The following ICMT variants were observed in gnomAD, a reference collection of about 807,000 sequenced individuals.
ICMT encodes the protein isoprenylcysteine carboxyl methyltransferase, also known as protein-S-isoprenylcysteine O-methyltransferase.
Under a neutral mutation model 32.2 loss-of-function variants are expected in ICMT, and 10 were observed. That is an observed-to-expected ratio of 0.31 (90% confidence interval 0.19 to 0.53). ICMT has a LOEUF of 0.53. Among genes scored for constraint, ICMT ranks in the 20% least tolerant of loss-of-function variants. ICMT has a pLI of 0.96. For synonymous variants in ICMT, 183 were observed against 158.2 expected (o/e 1.16, Z -1.18); for missense variants, 265 against 356.9 (o/e 0.74, Z 2.07).
chr1:6,234,350 G>A (rs776139657), intron 2 of ICMT: 15 of 396,584 alleles, frequency 3.8e-5, no homozygotes, highest in Non-Finnish European at 6.9e-5. Flanking sequence ...AATAATTCCG[G>A]CAAAGAAGGA....
chr1:6,225,076 C>T lies in ICMT; in HGVS notation c.*4G>A, dbSNP rs757486258. 1.2e-6 allele frequency: 2 copies of T among 1,610,896 alleles called. No homozygotes were observed. The highest frequency in any genetic ancestry group is 2.2e-5 in the South Asian group (2 of 90,580). ...GGCCCCAAGGTCACCGGGGCCACTG[C>T]CCGTCACAGGTCCACCTTGACCCCC... On this transcript the variant is annotated 3_prime_UTR_variant, in exon 5 of 5. Transcript: ENST00000343813.
At chr1:6,228,147 A>C (rs1268143225) in intron 4 of ICMT, among the ~76,000 whole-genome samples, 1 of 152,080 alleles carries the variant, frequency 6.6e-6, no homozygotes, top group Non-Finnish European at 1.5e-5. Flanking sequence ...TACACAAATA[A>C]ATAATTTTGT....
Position 6,224,888 on chromosome 1 carries a change from TAA to T in ICMT, c.*190_*191del, listed in dbSNP as rs1315172781. 1.3e-5 allele frequency: 8 copies of T among 611,614 alleles called. No homozygotes were observed. The highest frequency in any genetic ancestry group is 2.3e-5 in the Non-Finnish European group (8 of 347,736). 37.9% of individuals were successfully genotyped at this position (611,614 alleles called of 1,614,324 possible). On this transcript the variant is annotated 3_prime_UTR_variant, in exon 5 of 5. Coordinates refer to ENST00000343813, the MANE Select transcript of ICMT (RefSeq NM_012405.4). ...ACCCATGTTCCGCCTTGATTCGGCA[TAA>T]GGACAGACTGCTCCAGTGGGGCCTT...
At chr1:6,233,288 G>C (rs184231864) in intron 3 of ICMT, among the ~76,000 whole-genome samples, 186 bp downstream of exon 3, 1,706 of 152,364 alleles carry the variant, frequency 0.011, 12 homozygotes, top group Non-Finnish European at 0.016. Flanking sequence ...GCACGTCCTC[G>C]AGTCAATATC....
chr1:6,225,797 C>G (rs1364383902), intron 4 of ICMT, among the ~76,000 whole-genome samples: 2 of 152,104 alleles, frequency 1.3e-5, no homozygotes, highest in Non-Finnish European at 2.9e-5. Flanking sequence ...GTTTCCAACC[C>G]CAGAAGAGCA....
intron 4 of ICMT, among the ~76,000 whole-genome samples, chr1:6,229,403 G>A (rs368212031): frequency 2.6e-5 from 4 of 152,102 alleles, no homozygotes; most frequent in Admixed American, 6.6e-5. Context: ...GCTTGAACCC[G>A]GGAGGCAGAG....
intron 2 of ICMT, chr1:6,234,289 TAAC>T: frequency 8.4e-6 from 3 of 357,350 alleles, no homozygotes; most frequent in South Asian, 6.4e-5. Flanking sequence ...AAGAGGGAGA[TAAC>T]AACATAAAGG....
intron 4 of ICMT, among the ~76,000 whole-genome samples, chr1:6,229,026 C>CTT (rs200580331): frequency 0.026 from 3,699 of 143,906 alleles, 142 homozygotes; most frequent in African/African-American, 0.09. Context: ...AAGTGAGACT[C>CTT]TGTCTCAAAA....
At chr1:6,228,421 C>A (rs558646149) in intron 4 of ICMT, among the ~76,000 whole-genome samples, 1 of 151,640 alleles carries the variant, frequency 6.6e-6, no homozygotes, top group Non-Finnish European at 1.5e-5. Context: ...CGGCTCACTG[C>A]AAGCTCCGCC....
intron 4 of ICMT, among the ~76,000 whole-genome samples, 183 bp from the exon 5 acceptor site, chr1:6,225,445 G>A (rs867282456): frequency 4.6e-5 from 7 of 152,234 alleles, no homozygotes; most frequent in Admixed American, 2.0e-4. Flanking sequence ...CCTTTCTCAC[G>A]TGCTTTCCTG....
rs1668560818 is a variant in ICMT at position 6,221,939 on chromosome 1, A to C, written c.*3141T>G. ...CTTTAAAACCTGCAATGGAAAAATA[A>C]ATCTCTTGACAGTTTTTTAAATCGA... is the stretch of plus-strand genomic sequence containing the variant. On this transcript the variant is annotated 3_prime_UTR_variant, in exon 5 of 5. Transcript: ENST00000343813. 1 of 152,250 alleles carries C rather than the reference A, an allele frequency of 6.6e-6. No individual in the cohort carries two copies. The highest frequency in any genetic ancestry group is 2.1e-4 in the South Asian group (1 of 4,830). 9.4% of individuals were successfully genotyped at this position (152,250 alleles called of 1,614,324 possible). A position where few individuals can be genotyped will look rare whatever the true frequency, so the allele number is the denominator to read the frequency against.
At position 6,235,891 on chromosome 1, in the gene ICMT, C is replaced by G; in HGVS notation, c.21G>C (p.Arg7=). ...GACGCGCCTCAGAGCCCGGCGGAGC[C>G]CGCGCCGCGCAGCCCGCCATGGCGC... The part of the protein sequence containing the change: MAGCAA[R]APPGSEARLS... Residue 7 remains arginine, a synonymous_variant, in exon 1 of 5, where the codon CGG becomes CGC. Transcript: ENST00000343813. 2 of 1,132,350 alleles carry G rather than the reference C, an allele frequency of 1.8e-6. No homozygotes were observed. The highest frequency in any genetic ancestry group is 4.7e-5 in the East Asian group (1 of 21,068). 70.1% of individuals were successfully genotyped at this position (1,132,350 alleles called of 1,614,324 possible). A position where few individuals can be genotyped will look rare whatever the true frequency, so the allele number is the denominator to read the frequency against.
chr1:6,225,470 TGAGA>T (rs1241044192), intron 4 of ICMT, among the ~76,000 whole-genome samples: 1 of 152,164 alleles, frequency 6.6e-6, no homozygotes, highest in Non-Finnish European at 1.5e-5. Context: ...TCCTCTTACA[TGAGA>T]GAGATCTGTA....
In ICMT at chr1:6,224,056, G is replaced by A. The variant is rs1416009969; in HGVS notation, c.*1024C>T. ...TCTGCTTGGATTTGTAGTTGTATAT[G>A]CTCAAATCCCTTTGGAAAACAGTTT... On this transcript the variant is annotated 3_prime_UTR_variant, in exon 5 of 5. Coordinates refer to ENST00000343813, the MANE Select transcript of ICMT (RefSeq NM_012405.4). The A allele has an allele frequency of 6.6e-6, 1 of 152,176 alleles. No individual in the cohort carries two copies. Among genetic ancestry groups the A allele is most frequent in the Non-Finnish European group, 1.5e-5 (1 of 68,036 alleles). 9.4% of individuals were successfully genotyped at this position (152,176 alleles called of 1,614,324 possible).
chr1:6,227,201 G>C (rs1164533264), intron 4 of ICMT, among the ~76,000 whole-genome samples: 4 of 152,206 alleles, frequency 2.6e-5, no homozygotes, highest in Non-Finnish European at 4.4e-5. Context: ...GGGCAAAAAG[G>C]TATGGAAAAC....
rs1668579458 is a variant in ICMT, at chr1:6,222,949, T to A, written c.*2131A>T. 1 of 152,368 alleles carries A rather than the reference T, an allele frequency of 6.6e-6. No homozygotes were observed. Among genetic ancestry groups the A allele is most frequent in the South Asian group, 2.1e-4 (1 of 4,828 alleles). The allele number at this position is 152,368 out of a possible 1,614,324, so 9.4% of individuals were successfully genotyped here. On this transcript the variant is annotated 3_prime_UTR_variant, in exon 5 of 5. Transcript: ENST00000343813. ...TCTAAAGGACAAGTTTAGAAATGAT[T>A]CAACTCAAGTTCCTAAACAGAGTAA...
chr1:6,225,039 CACA>C lies in ICMT; in HGVS notation c.*38_*40del. The C allele has an allele frequency of 1.3e-6, 2 of 1,558,596 alleles. No homozygotes were observed. Among genetic ancestry groups the C allele is most frequent in the Non-Finnish European group, 1.7e-6 (2 of 1,145,282 alleles). ...CCGGAAACAGTTTTGTCCCAGGCTG[CACA>C]GGGTCGGAGGCCCCAAGGTCACCGG... On this transcript the variant is annotated 3_prime_UTR_variant, in exon 5 of 5. Transcript: ENST00000343813.
intron 1 of ICMT, among the ~76,000 whole-genome samples, chr1:6,235,305 A>C (rs1240693925): frequency 6.6e-6 from 1 of 152,160 alleles, no homozygotes; most frequent in African/African-American, 2.4e-5. Flanking sequence ...TATTATTATT[A>C]TTCGTGATTA....
In ICMT at chr1:6,235,883, G is replaced by T; in HGVS notation, c.29C>A (p.Pro10Gln). Residue 10 changes from proline (P) to glutamine (Q), a missense_variant, in exon 1 of 5, where the codon CCG becomes CAG. Physicochemically the swap from Pro to Gln is moderately conservative, Grantham distance 76. Coordinates refer to ENST00000343813, the MANE Select transcript of ICMT (RefSeq NM_012405.4). MAGCAARAP[P>Q]GSEARLSLAT... is the part of the protein sequence containing the mutation. ...GAGGCTGAGACGCGCCTCAGAGCCC[G>T]GCGGAGCCCGCGCCGCGCAGCCCGC... 8.8e-7 allele frequency: 1 copy of T among 1,141,522 alleles called. No homozygotes were observed. Among genetic ancestry groups the T allele is most frequent in the Non-Finnish European group, 1.1e-6 (1 of 931,740 alleles). The allele number at this position is 1,141,522 out of a possible 1,614,324, so 70.7% of individuals were successfully genotyped here. A position where few individuals can be genotyped will look rare whatever the true frequency, so the allele number is the denominator to read the frequency against.
Sources: allele counts gnomAD v4.1 joint callset (sites outside exome capture counted in the v4.1 genomes callset), GRCh38; gene constraint gnomAD v4.1.1; transcripts MANE v1.5; gene names NCBI Gene and HGNC (gene_info 2026-07-23, HGNC 2026-07-21).